The following GLB1 variants were observed in gnomAD, a reference collection of about 807,000 sequenced individuals.
The protein encoded by GLB1 is galactosidase beta 1.
A neutral mutation model predicts 74.0 loss-of-function variants in GLB1; 56 were observed. That is an observed-to-expected ratio of 0.76 (90% CI 0.61 to 0.94). GLB1 has a LOEUF of 0.94. Among genes scored for constraint, GLB1 ranks in the 40% least tolerant of loss-of-function variants. The pLI is 0.00. For synonymous variants in GLB1, 323 were observed against 323.6 expected (o/e 1.00, Z 0.02); for missense variants, 787 against 845.5 (o/e 0.93, Z 0.86).
In GLB1 at chr3:33,051,809, A is replaced by T; in HGVS notation, c.915-11T>A. On this transcript the variant is annotated splice_polypyrimidine_tract_variant and intron_variant, in intron 8 of 15. Coordinates refer to ENST00000307363, the MANE Select transcript of GLB1 (RefSeq NM_000404.4). Reference sequence around the variant, plus strand: ...CCTATAAACATGTACCTACAAGGAAACAAAAGAACACGGTACTTCACTGTG... The same window carrying T: ...CCTATAAACATGTACCTACAAGGAATCAAAAGAACACGGTACTTCACTGTG... 1 of 1,614,182 alleles carries T rather than the reference A, an allele frequency of 6.2e-7. No homozygotes were observed. The highest frequency in any genetic ancestry group is 8.5e-7 in the Non-Finnish European group (1 of 1,180,024).
At chr3:33,091,046 C>T (rs1432700164) in intron 1 of GLB1, 22 of 985,202 alleles carry the variant, frequency 2.2e-5, no homozygotes, top group Non-Finnish European at 2.4e-5. Context: ...CATTACCAGC[C>T]GCATCAAACA....
intron 6 of GLB1, among the ~76,000 whole-genome samples, chr3:33,054,942 A>G (rs1699152052): frequency 6.6e-6 from 1 of 152,212 alleles, no homozygotes; most frequent in Non-Finnish European, 1.5e-5. Context: ...CCCAGGGTGG[A>G]CGTGGCCCCA....
chr3:33,058,523 T>C lies in GLB1; in HGVS notation c.553-254A>G, dbSNP rs543756023. On this transcript the variant is annotated intron_variant, in intron 5 of 15. Transcript: ENST00000307363. ...AAAAACAAAAAACACCAAACTGGTG[T>C]TCAGATTGTAGTGGTATTCTTCCCT... Among the ~76,000 whole-genome samples, 7 of 152,132 alleles carry C rather than the reference T, an allele frequency of 4.6e-5. No individual in the cohort carries two copies. In the South Asian group the frequency reaches 1.5e-3, roughly 32 times the overall value.
intron 15 of GLB1, among the ~76,000 whole-genome samples, chr3:33,006,486 C>G (rs1696797001): frequency 6.6e-6 from 1 of 151,936 alleles, no homozygotes; most frequent in Admixed American, 6.6e-5. Flanking sequence ...CTGATACCAA[C>G]AAGGTTGGGG....
rs1696358722 is a variant in GLB1 at position 32,997,455 on chromosome 3, C to T, written c.1735-111G>A. On this transcript the variant is annotated intron_variant, in intron 15 of 15. Coordinates refer to ENST00000307363, the MANE Select transcript of GLB1 (RefSeq NM_000404.4). ...GCAGCAATGGAGGAAAGAAATGCCC[C>T]CAGAAAGGCGAGGCTGACAGCCAGG... 2.0e-6 allele frequency: 3 copies of T among 1,525,894 alleles called. No homozygotes were observed. The African/African-American group carries it at 4.1e-5, about 21-fold the overall frequency. The allele number at this position is 1,525,894 out of a possible 1,614,324, so 94.5% of individuals were successfully genotyped here.
intron 15 of GLB1, among the ~76,000 whole-genome samples, chr3:33,011,403 G>A (rs9852362): frequency 0.016 from 2,438 of 150,846 alleles, 68 homozygotes; most frequent in East Asian, 0.077. Flanking sequence ...TCAGGAGTCC[G>A]AGATCAGCCT....
intron 9 of GLB1, among the ~76,000 whole-genome samples, chr3:33,049,551 G>GA (rs1256427078): frequency 6.6e-6 from 1 of 152,100 alleles, no homozygotes; most frequent in African/African-American, 2.4e-5. Flanking sequence ...CGAGTAGCTG[G>GA]GATTACAGGT....
intron 10 of GLB1, among the ~76,000 whole-genome samples, chr3:33,025,176 C>G (rs1289007570): frequency 2.6e-5 from 4 of 152,198 alleles, no homozygotes; most frequent in Non-Finnish European, 4.4e-5. Context: ...AACTCCTGAT[C>G]TCAGGTGATC....
intron 1 of GLB1, among the ~76,000 whole-genome samples, chr3:33,088,568 G>A (rs78487987): frequency 0.058 from 8,746 of 151,948 alleles, 347 homozygotes; most frequent in Non-Finnish European, 0.082. Flanking sequence ...AAAATACTTA[G>A]AAATAGGCCT....
At position 33,088,721 on chromosome 3, in the gene GLB1, T is replaced by A. The variant is rs572985445; in HGVS notation, c.75+8290A>T. 2.0e-5 allele frequency among the ~76,000 whole-genome samples: 3 copies of A among 152,310 alleles called. No individual in the cohort carries two copies. The East Asian group carries it at 5.8e-4, about 29-fold the overall frequency. The stretch of plus-strand genomic sequence containing the variant: ...AGATGTTCATACTACCCAAAGTGAT[T>A]CACAGATTCAACACAATCCCTATAA... On this transcript the variant is annotated intron_variant, in intron 1 of 15. Transcript: ENST00000307363.
At chr3:32,969,089 G>A in the GLB1 span, among the ~76,000 whole-genome samples, 70 of 152,272 alleles carry the variant, frequency 4.6e-4, 1 homozygote, top group East Asian at 4.4e-3. Flanking sequence ...TTGACACATC[G>A]GCCCCTTGGA....
intron 1 of GLB1, among the ~76,000 whole-genome samples, chr3:33,079,011 G>T (rs973108860): frequency 3.3e-5 from 5 of 151,966 alleles, no homozygotes; most frequent in African/African-American, 1.2e-4. Flanking sequence ...CAATAAAAAA[G>T]AACAAACTAC....
chr3:33,094,416 A>C, intron 1 of GLB1: 1 of 1,234,900 alleles, frequency 8.1e-7, no homozygotes, highest in Non-Finnish European at 1.1e-6. Context: ...AAGCTACTCA[A>C]ATACCAGTCA....
chr3:33,085,342 A>C (rs1471825537), intron 1 of GLB1, among the ~76,000 whole-genome samples: 1 of 151,586 alleles, frequency 6.6e-6, no homozygotes, highest in Admixed American at 6.6e-5. Flanking sequence ...TAAGAACCCC[A>C]TAATCAGGAG....
the GLB1 span, among the ~76,000 whole-genome samples, chr3:32,980,047 C>A: frequency 6.6e-6 from 1 of 152,220 alleles, no homozygotes; most frequent in Non-Finnish European, 1.5e-5. Context: ...ATCACCTCAA[C>A]ATTTATCTTT....
intron 1 of GLB1, among the ~76,000 whole-genome samples, chr3:33,074,961 G>A (rs1168086218): frequency 6.6e-6 from 1 of 152,192 alleles, no homozygotes; most frequent in African/African-American, 2.4e-5. Context: ...CACTGTAAGT[G>A]AATTACATCT....
the GLB1 span, among the ~76,000 whole-genome samples, chr3:32,983,350 T>G: frequency 6.6e-6 from 1 of 152,328 alleles, no homozygotes; most frequent in South Asian, 2.1e-4. Context: ...ACATTCCACT[T>G]ACTGATTGTC....
At chr3:32,963,968 A>G in the GLB1 span, among the ~76,000 whole-genome samples, 1 of 152,242 alleles carries the variant, frequency 6.6e-6, no homozygotes, top group Non-Finnish European at 1.5e-5. Flanking sequence ...TGACTTGAGC[A>G]TGCGGATGTC....
rs867583258 is a variant in GLB1 at position 33,055,781 on chromosome 3, A to T, written c.734-2232T>A. The stretch of plus-strand genomic sequence containing the variant: ...TGCGCTGGGCCCGTTTTTTTTTTTT[A>T]AAAGGCAAAAACTGCAATCACTTTT... On this transcript the variant is annotated intron_variant, in intron 6 of 15. Transcript: ENST00000307363. 4.8e-3 allele frequency among the ~76,000 whole-genome samples: 717 copies of T among 148,960 alleles called. 4 individuals are homozygous for T. The highest frequency in any genetic ancestry group is 7.3e-3 in the Non-Finnish European group (492 of 67,272).
Sources: allele counts gnomAD v4.1 joint callset (sites outside exome capture counted in the v4.1 genomes callset), GRCh38; gene constraint gnomAD v4.1.1; transcripts MANE v1.5; gene names NCBI Gene and HGNC (gene_info 2026-07-23, HGNC 2026-07-21).